The following TMEM132D variants were observed in gnomAD, a reference collection of about 807,000 sequenced individuals.
TMEM132D encodes the protein transmembrane protein 132D.
A neutral mutation model predicts 62.3 loss-of-function variants in TMEM132D; 21 were observed. The ratio of observed to expected loss-of-function variants is 0.34; its 90% CI spans 0.24 to 0.49. The LOEUF (loss-of-function observed/expected upper bound fraction) is 0.49. Among genes scored for constraint, TMEM132D ranks in the 20% least tolerant of loss-of-function variants. The probability of loss-of-function intolerance (pLI) is 0.99; values close to 1 mark genes in which losing one functional copy is unlikely to be tolerated. For synonymous variants in TMEM132D, 621 were observed against 575.6 expected (o/e 1.08, Z -1.13); for missense variants, 1,346 against 1,402.8 (o/e 0.96, Z 0.65).
chr12:129,415,070 G>A (rs1872076103), intron 3 of TMEM132D, among the ~76,000 whole-genome samples: 1 of 152,162 alleles, frequency 6.6e-6, no homozygotes, highest in Non-Finnish European at 1.5e-5. Context: ...ATCCACTGAT[G>A]GGCACCTAAG....
At chr12:129,547,096 G>A (rs955752481) in intron 2 of TMEM132D, among the ~76,000 whole-genome samples, 9 of 152,132 alleles carry the variant, frequency 5.9e-5, no homozygotes, top group Non-Finnish European at 1.2e-4. Context: ...GGGCTCTAGG[G>A]AAGAATCCTC....
intron 4 of TMEM132D, among the ~76,000 whole-genome samples, chr12:129,297,921 T>G (rs1881617450): frequency 6.6e-6 from 1 of 152,196 alleles, no homozygotes; most frequent in Non-Finnish European, 1.5e-5. Context: ...AAGATCACTC[T>G]GGAGGCTTTT....
chr12:129,302,568 C>T (rs1234432651), intron 4 of TMEM132D, among the ~76,000 whole-genome samples: 2 of 152,234 alleles, frequency 1.3e-5, no homozygotes, highest in Non-Finnish European at 2.9e-5. Context: ...TGTGGGTCAG[C>T]TGGGCTTAGA....
At chr12:129,401,710 T>C (rs1027422223) in intron 3 of TMEM132D, among the ~76,000 whole-genome samples, 3 of 152,166 alleles carry the variant, frequency 2.0e-5, no homozygotes, top group Admixed American at 6.5e-5. Context: ...AAGCTGCTCC[T>C]CCAAGGTCAC....
At chr12:129,490,882 G>C (rs565393650) in intron 3 of TMEM132D, among the ~76,000 whole-genome samples, 1 of 152,088 alleles carries the variant, frequency 6.6e-6, no homozygotes, top group South Asian at 2.1e-4. Flanking sequence ...CATCCTCCCT[G>C]TAGCTTCACA....
At chr12:129,390,745 C>T (rs1390657759) in intron 3 of TMEM132D, among the ~76,000 whole-genome samples, 1 of 152,146 alleles carries the variant, frequency 6.6e-6, no homozygotes, top group Non-Finnish European at 1.5e-5. Flanking sequence ...TCCATGTCAC[C>T]TGACCCTACC....
chr12:129,276,321 G>A (rs532080184), intron 4 of TMEM132D, among the ~76,000 whole-genome samples: 2 of 152,232 alleles, frequency 1.3e-5, no homozygotes, highest in South Asian at 2.1e-4. Flanking sequence ...CTCAGTTATC[G>A]GCAACTCTGA....
At chr12:129,305,973 A>T (rs1475677557) in intron 4 of TMEM132D, among the ~76,000 whole-genome samples, 1 of 152,204 alleles carries the variant, frequency 6.6e-6, no homozygotes, top group East Asian at 1.9e-4. Flanking sequence ...CCTTCTCAAA[A>T]TAAGGTCTTC....
At chr12:129,153,484 C>A (rs1202684330) in intron 5 of TMEM132D, among the ~76,000 whole-genome samples, 1 of 152,006 alleles carries the variant, frequency 6.6e-6, no homozygotes, top group Admixed American at 6.6e-5. Flanking sequence ...TCAGAACACT[C>A]CAGGCTGTGC....
chr12:129,182,451 C>T (rs1038014523), intron 5 of TMEM132D, among the ~76,000 whole-genome samples: 2 of 152,190 alleles, frequency 1.3e-5, no homozygotes, highest in Non-Finnish European at 2.9e-5. Flanking sequence ...AAACCATTTG[C>T]ACTTGTGCAG....
intron 3 of TMEM132D, among the ~76,000 whole-genome samples, chr12:129,365,137 C>T (rs1355154641): frequency 1.3e-5 from 2 of 152,198 alleles, no homozygotes; most frequent in Admixed American, 1.3e-4. Context: ...TCGGAGTCCA[C>T]ATGCAATTTA....
chr12:129,444,685 CT>C (rs1181759659), intron 3 of TMEM132D, among the ~76,000 whole-genome samples: 1 of 152,148 alleles, frequency 6.6e-6, no homozygotes, highest in Non-Finnish European at 1.5e-5. Flanking sequence ...TGAACAGACA[CT>C]TTTCCAAAGA....
chr12:129,400,204 G>A (rs1416009502), intron 3 of TMEM132D, among the ~76,000 whole-genome samples: 1 of 152,086 alleles, frequency 6.6e-6, no homozygotes, highest in Non-Finnish European at 1.5e-5. Flanking sequence ...CAAGTAGAGG[G>A]TGAGGTGGGA....
chr12:129,628,765 C>A (rs915319728), intron 2 of TMEM132D, among the ~76,000 whole-genome samples: 1 of 152,002 alleles, frequency 6.6e-6, no homozygotes, highest in African/African-American at 2.4e-5. Flanking sequence ...TCTCATCTTC[C>A]CATGACCATC....
At position 129,290,386 on chromosome 12, in the gene TMEM132D, GT is replaced by G. The variant is rs554767700; in HGVS notation, c.1299+47247del. ...AAGACGCTGAGACTTCAAGTAACAG[GT>G]TATCGAAGCATAACCTACACTATTC... On this transcript the variant is annotated intron_variant, in intron 4 of 8. Coordinates refer to ENST00000422113, the MANE Select transcript of TMEM132D (RefSeq NM_133448.3). 4.3e-3 allele frequency among the ~76,000 whole-genome samples: 652 copies of G among 152,058 alleles called. 5 individuals carry two copies. The highest frequency in any genetic ancestry group is 0.014 in the African/African-American group (596 of 41,470).
intron 5 of TMEM132D, chr12:129,110,520 T>C (rs953432993): frequency 6.6e-5 from 10 of 152,240 alleles, no homozygotes; most frequent in African/African-American, 1.9e-4. Flanking sequence ...AAATGCGTTG[T>C]ATGAATAATT....
chr12:129,296,083 C>T (rs3996449), intron 4 of TMEM132D, among the ~76,000 whole-genome samples: 33,814 of 139,600 alleles, frequency 0.24, 4,448 homozygotes, highest in East Asian at 0.48. Flanking sequence ...CACACACACA[C>T]ACATATATAT....
chr12:129,180,390 G>A (rs1006130981), intron 5 of TMEM132D, among the ~76,000 whole-genome samples: 2 of 152,144 alleles, frequency 1.3e-5, no homozygotes, highest in Non-Finnish European at 1.5e-5. Context: ...CCTCACTCAC[G>A]TACATGGGTT....
At position 129,568,927 on chromosome 12, in the gene TMEM132D, A is replaced by G. The variant is rs77442123; in HGVS notation, c.969-37722T>C. On this transcript the variant is annotated intron_variant, in intron 2 of 8. Transcript: ENST00000422113. Reference sequence around the variant, plus strand: ...CAGTGACTCTCAAACCCTGGCATCCATAAGAGTCACCTGGGAGGGATTAAA... The same window carrying G: ...CAGTGACTCTCAAACCCTGGCATCCGTAAGAGTCACCTGGGAGGGATTAAA... Among the ~76,000 whole-genome samples, 39 of 152,326 alleles carry G rather than the reference A, an allele frequency of 2.6e-4. No homozygotes were observed. The East Asian group carries it at 7.1e-3, about 28-fold the overall frequency.
Sources: gnomAD v4.1 joint callset for allele counts (sites outside exome capture counted in the v4.1 genomes callset) on GRCh38, gnomAD v4.1.1 for gene constraint, MANE v1.5 for transcripts, NCBI Gene and HGNC (gene_info 2026-07-23, HGNC 2026-07-21) for gene names.